The following SGO2 variants were observed in gnomAD, a reference collection of about 807,000 sequenced individuals.
SGO2 encodes shugoshin-like 2.
SGO2 carries 68 observed loss-of-function variants against 99.5 expected under a neutral mutation model. The ratio of observed to expected loss-of-function variants is 0.68; its 90% CI spans 0.56 to 0.84. The LOEUF is 0.84. Among genes scored for constraint, SGO2 ranks in the 40% least tolerant of loss-of-function variants. SGO2 has a pLI of 0.00. For missense variants in SGO2, 1,350 were observed against 1,436.7 expected, an observed-to-expected ratio of 0.94 and a Z score of 0.97; for synonymous variants, 457 against 487.1, an observed-to-expected ratio of 0.94 and a Z score of 0.81.
chr2:200,556,110 A>G (rs577569187), intron 5 of SGO2, among the ~76,000 whole-genome samples: 2 of 152,150 alleles, frequency 1.3e-5, no homozygotes, highest in South Asian at 4.2e-4. Context: ...GATTACAGGC[A>G]CCTGCCACCA....
intron 1 of SGO2, among the ~76,000 whole-genome samples, chr2:200,529,756 G>A (rs912833351): frequency 6.6e-6 from 1 of 152,110 alleles, no homozygotes; most frequent in Admixed American, 6.5e-5. Context: ...TCGAACTCCT[G>A]ACCTCAGGTG....
At chr2:200,566,579 C>T (rs936181712) in intron 5 of SGO2, among the ~76,000 whole-genome samples, 1 of 152,120 alleles carries the variant, frequency 6.6e-6, no homozygotes, top group African/African-American at 2.4e-5. Context: ...GCTGGGGGAA[C>T]GACTATTCTC....
rs375418046 is a variant in SGO2, at chr2:200,558,021, A to G, written c.474-11642A>G. On this transcript the variant is annotated intron_variant, in intron 5 of 8. Transcript: ENST00000357799. ...TGGGACTACAGGCATGCACCATCAC[A>G]CCCAGCTAATTTTTGTACTTTTAGT... 1.5e-3 allele frequency among the ~76,000 whole-genome samples: 232 copies of G among 150,986 alleles called. 1 individual carries two copies. The highest frequency in any genetic ancestry group is 5.3e-3 in the African/African-American group (217 of 41,178).
In SGO2 at chr2:200,572,540, G is replaced by T. The variant is rs2106345244; in HGVS notation, c.2194G>T (p.Asp732Tyr). 1 of 1,612,068 alleles carries T rather than the reference G, an allele frequency of 6.2e-7. No homozygotes were observed. The highest frequency in any genetic ancestry group is 8.5e-7 in the Non-Finnish European group (1 of 1,178,746). ...IISEVNHLDN[D>Y]KSIEYTVKSH... Reference sequence around the variant, plus strand: ...TTCTGAAGTGAATCATTTAGATAATGACAAAAGTATAGAATACACAGTTAA... The same window carrying T: ...TTCTGAAGTGAATCATTTAGATAATTACAAAAGTATAGAATACACAGTTAA... Residue 732 changes from aspartate (D) to tyrosine (Y), a missense_variant, in exon 7 of 9, where the codon GAC becomes TAC. Coordinates refer to ENST00000357799, the MANE Select transcript of SGO2 (RefSeq NM_152524.6).
intron 2 of SGO2, among the ~76,000 whole-genome samples, chr2:200,533,810 C>T (rs575089693): frequency 2.0e-5 from 3 of 152,098 alleles, no homozygotes; most frequent in Non-Finnish European, 2.9e-5. Context: ...TCTAAAACAA[C>T]CCAGCCTCCT....
intron 8 of SGO2, among the ~76,000 whole-genome samples, chr2:200,582,556 A>G (rs2106356513): frequency 6.6e-6 from 1 of 152,276 alleles, no homozygotes; most frequent in East Asian, 1.9e-4. Flanking sequence ...TGCAGATTAT[A>G]GCTGGAATTC....
At chr2:200,527,427 A>G (rs948204771) in intron 1 of SGO2, among the ~76,000 whole-genome samples, 7 of 152,154 alleles carry the variant, frequency 4.6e-5, no homozygotes, top group African/African-American at 1.4e-4. Context: ...TCTGTGTTCT[A>G]CTGTCTTTGA....
chr2:200,545,408 C>T (rs1054397076), intron 5 of SGO2, among the ~76,000 whole-genome samples: 3 of 152,020 alleles, frequency 2.0e-5, no homozygotes, highest in Non-Finnish European at 2.9e-5. Flanking sequence ...TTGTTTGTGG[C>T]GGGGAGGTGT....
chr2:200,576,039 C>T (rs1006682099), intron 8 of SGO2: 20 of 379,718 alleles, frequency 5.3e-5, no homozygotes, highest in Admixed American at 2.9e-4. Context: ...TAAAACACTT[C>T]GATATATCTC....
chr2:200,571,820 AAGG>A lies in SGO2; in HGVS notation c.1477_1479del (p.Glu493del). On this transcript the variant is annotated inframe_deletion, in exon 7 of 9. Coordinates refer to ENST00000357799, the MANE Select transcript of SGO2 (RefSeq NM_152524.6). ...CAGAGAAAATGTACTGTGTAATAAAAAGGAGAAAAGAATAACAAATGAGCAAGA... is the reference window on the plus strand; with the variant it reads ...CAGAGAAAATGTACTGTGTAATAAAAAGAAAAGAATAACAAATGAGCAAGA... 3 of 1,613,372 alleles carry A rather than the reference AAGG, an allele frequency of 1.9e-6. No homozygotes were observed. Among genetic ancestry groups the A allele is most frequent in the Non-Finnish European group, 2.5e-6 (3 of 1,179,612 alleles).
chr2:200,583,451 A>G lies in SGO2; in HGVS notation c.3785A>G (p.Lys1262Arg). ...CTTCCTTTTTTTCTACTTTGCAGCAAGATGAGAAGATGAAGTGAATTTATG... is the reference window on the plus strand; with the variant it reads ...CTTCCTTTTTTTCTACTTTGCAGCAGGATGAGAAGATGAAGTGAATTTATG... ...FYFKEPSLRDKMRR is the reference protein window; with the variant it reads ...FYFKEPSLRDRMRR The change falls in exon 9 of 9, where the codon AAG becomes AGG. Residue 1262 changes from lysine (K) to arginine (R), a missense_variant and splice_region_variant. Transcript: ENST00000357799. 1 of 1,585,380 alleles carries G rather than the reference A, an allele frequency of 6.3e-7. No homozygotes were observed. Among genetic ancestry groups the G allele is most frequent in the Non-Finnish European group, 8.6e-7 (1 of 1,168,398 alleles).
intron 5 of SGO2, among the ~76,000 whole-genome samples, chr2:200,556,222 T>C (rs1229743648): frequency 6.6e-6 from 1 of 152,216 alleles, no homozygotes; most frequent in Non-Finnish European, 1.5e-5. Context: ...CACCTCAGCC[T>C]CCCAAAGTGC....
At chr2:200,552,017 A>T (rs1486662015) in intron 5 of SGO2, among the ~76,000 whole-genome samples, 1 of 152,140 alleles carries the variant, frequency 6.6e-6, no homozygotes, top group African/African-American at 2.4e-5. Context: ...CACATACATA[A>T]CCTAGAATTT....
chr2:200,533,547 G>A (rs72926057), intron 2 of SGO2, among the ~76,000 whole-genome samples: 16,631 of 142,970 alleles, frequency 0.12, 1,108 homozygotes, highest in Non-Finnish European at 0.16. Flanking sequence ...GTGTGTGTGT[G>A]TATACATGTG....
chr2:200,531,224 T>G (rs1261415914), intron 1 of SGO2, among the ~76,000 whole-genome samples: 2 of 152,184 alleles, frequency 1.3e-5, no homozygotes. Flanking sequence ...TGTAGGTAAT[T>G]GCAATGGAAG....
chr2:200,569,919 G>C, intron 6 of SGO2, 27 bp downstream of exon 6: 1 of 1,432,798 alleles, frequency 7.0e-7, no homozygotes, highest in Non-Finnish European at 9.8e-7. Flanking sequence ...AATTCATTTT[G>C]AGTATTTGTA....
intron 5 of SGO2, among the ~76,000 whole-genome samples, chr2:200,548,828 T>G (rs1406254661): frequency 6.6e-6 from 1 of 151,920 alleles, no homozygotes; most frequent in Non-Finnish European, 1.5e-5. Flanking sequence ...CACCAACAAA[T>G]CACAAAATGT....
rs1330702829 is a variant in SGO2 at position 200,526,619 on chromosome 2, A to G, written c.-3+367A>G. ...AGTACGTGTCTGCGGAATGAATGTTAGGGACTGCGTGCCAAAGTTCTCGAA... is the reference window on the plus strand; with the variant it reads ...AGTACGTGTCTGCGGAATGAATGTTGGGGACTGCGTGCCAAAGTTCTCGAA... On this transcript the variant is annotated intron_variant, in intron 1 of 8. Transcript: ENST00000357799. The surrounding 1 kb of genome is among the most constrained non-coding windows in gnomAD (Gnocchi z 4.8). 6.6e-6 allele frequency among the ~76,000 whole-genome samples: 1 copy of G among 152,042 alleles called. No individual in the cohort carries two copies. The highest frequency in any genetic ancestry group is 1.5e-5 in the Non-Finnish European group (1 of 68,010).
rs1185331979 is a variant in SGO2 at position 200,583,210 on chromosome 2, A to AT, written c.3783-238dup. On this transcript the variant is annotated intron_variant, in intron 8 of 8. Coordinates refer to ENST00000357799, the MANE Select transcript of SGO2 (RefSeq NM_152524.6). ...AGGAACTATGTAATAAACATGTAAT[A>AT]TATAAAATCTATGTTGATTAATTTT... Among the ~76,000 whole-genome samples the AT allele has an allele frequency of 2.6e-5, 4 of 152,354 alleles. No individual in the cohort carries two copies. The East Asian group carries it at 7.7e-4, about 29-fold the overall frequency.
Sources: allele counts gnomAD v4.1 joint callset (sites outside exome capture counted in the v4.1 genomes callset), GRCh38; gene constraint gnomAD v4.1.1; non-coding constraint Gnocchi (gnomAD v3.1); transcripts MANE v1.5; gene names NCBI Gene and HGNC (gene_info 2026-07-23, HGNC 2026-07-21).